Variants in BMPR1B observed in about 807,000 individuals in gnomAD.
The protein encoded by BMPR1B is bone morphogenetic protein receptor type 1B.
A neutral mutation model predicts 59.1 loss-of-function variants in BMPR1B; 12 were observed. That is an observed-to-expected ratio of 0.20 (90% confidence interval 0.13 to 0.33). The LOEUF is 0.33. Among genes scored for constraint, BMPR1B ranks in the 10% least tolerant of loss-of-function variants. The probability of loss-of-function intolerance (pLI) is 1.00; values close to 1 mark genes in which losing one functional copy is unlikely to be tolerated. For synonymous variants in BMPR1B, 237 were observed against 207.3 expected (o/e 1.14, Z -1.23); for missense variants, 550 against 610.9 (o/e 0.90, Z 1.05).
intron 2 of BMPR1B, among the ~76,000 whole-genome samples, chr4:94,975,546 T>A (rs1431477158): frequency 6.6e-6 from 1 of 151,194 alleles, no homozygotes; most frequent in African/African-American, 2.4e-5. Flanking sequence ...TTTTTTGGTA[T>A]TTTTTGTAGA....
chr4:94,821,541 G>T (rs1366442138), intron 1 of BMPR1B, among the ~76,000 whole-genome samples: 1 of 152,044 alleles, frequency 6.6e-6, no homozygotes, highest in Non-Finnish European at 1.5e-5. Flanking sequence ...TGTTGGAAAT[G>T]GTTCCTGCCT....
intron 8 of BMPR1B, 58 bp from the exon 9 acceptor site, chr4:95,129,803 AG>A: frequency 6.4e-7 from 1 of 1,558,820 alleles, no homozygotes; most frequent in Non-Finnish European, 8.8e-7. Flanking sequence ...GGAGAAAAAA[AG>A]ATTAAACAAA....
In BMPR1B at chr4:95,015,217, A is replaced by G. The variant is rs115344721; in HGVS notation, c.-18+19083A>G. 4.7e-3 allele frequency among the ~76,000 whole-genome samples: 721 copies of G among 152,290 alleles called. 8 individuals are homozygous for G. Among genetic ancestry groups the G allele is most frequent in the African/African-American group, 0.016 (668 of 41,562 alleles). On this transcript the variant is annotated intron_variant, in intron 3 of 12. Transcript: ENST00000515059. ...TCACTGACACACACGAAAGAAAGAA[A>G]AGAAAAATGATCATTTAACTGAAAA... is the stretch of plus-strand genomic sequence containing the variant.
intron 2 of BMPR1B, among the ~76,000 whole-genome samples, chr4:94,966,015 A>G (rs1216328891): frequency 6.6e-6 from 1 of 152,166 alleles, no homozygotes; most frequent in East Asian, 1.9e-4. Context: ...ACAGTTGTAA[A>G]AAAAAGATTT....
chr4:94,940,134 A>T (rs1269942913), intron 2 of BMPR1B, among the ~76,000 whole-genome samples: 1 of 152,192 alleles, frequency 6.6e-6, no homozygotes, highest in Non-Finnish European at 1.5e-5. Flanking sequence ...ATACAGTTAG[A>T]GTTTGGGTGT....
At position 94,799,303 on chromosome 4, in the gene BMPR1B, GT is replaced by G. The variant is rs781266058; in HGVS notation, c.-183+41249del. 3.6e-3 allele frequency among the ~76,000 whole-genome samples: 506 copies of G among 138,900 alleles called. 2 individuals carry two copies. The highest frequency in any genetic ancestry group is 4.9e-3 in the Non-Finnish European group (309 of 63,596). The allele number at this position is 138,900 out of a possible 152,430, so 91.1% of individuals were successfully genotyped here. A position where few individuals can be genotyped will look rare whatever the true frequency, so the allele number is the denominator to read the frequency against. ...TCCTTCTGTCTGTCTTTGGGTGACT[GT>G]TTTTTTTTTTTTTCCTGGAGACACA... On this transcript the variant is annotated intron_variant, in intron 1 of 12. Transcript: ENST00000515059.
chr4:94,885,335 G>A (rs1451984472), intron 2 of BMPR1B, among the ~76,000 whole-genome samples: 1 of 152,184 alleles, frequency 6.6e-6, no homozygotes, highest in East Asian at 1.9e-4. Flanking sequence ...GCAAGTTGAA[G>A]ATGTTGCTTC....
intron 1 of BMPR1B, among the ~76,000 whole-genome samples, chr4:94,844,341 C>T (rs1484579336): frequency 3.3e-5 from 5 of 151,732 alleles, no homozygotes; most frequent in African/African-American, 7.3e-5. Flanking sequence ...GAAACAGAAA[C>T]TAATCTTAAG....
chr4:94,951,446 C>T (rs1045469605), intron 2 of BMPR1B, among the ~76,000 whole-genome samples: 40 of 152,240 alleles, frequency 2.6e-4, no homozygotes, highest in African/African-American at 8.7e-4. Context: ...AGATGCATTC[C>T]ATCAGTATCT....
At chr4:95,123,124 G>A (rs1223841016) in intron 6 of BMPR1B, among the ~76,000 whole-genome samples, 1 of 152,096 alleles carries the variant, frequency 6.6e-6, no homozygotes, top group Non-Finnish European at 1.5e-5. Flanking sequence ...TGAGGAATCT[G>A]ATTTGTCAAG....
chr4:95,146,396 G>C (rs1734644429), intron 10 of BMPR1B, among the ~76,000 whole-genome samples: 2 of 152,044 alleles, frequency 1.3e-5, no homozygotes, highest in South Asian at 4.1e-4. Context: ...TCTATTATTA[G>C]GTCACAATTA....
At chr4:94,875,028 T>C (rs1480152570) in intron 1 of BMPR1B, among the ~76,000 whole-genome samples, 2 of 152,078 alleles carry the variant, frequency 1.3e-5, no homozygotes, top group Non-Finnish European at 2.9e-5. Flanking sequence ...GTGGCCAGCA[T>C]TTAAGTATCA....
intron 3 of BMPR1B, among the ~76,000 whole-genome samples, chr4:95,092,161 A>G (rs1579064315): frequency 1.3e-5 from 2 of 152,132 alleles, no homozygotes; most frequent in East Asian, 3.8e-4. Flanking sequence ...AATGATTTAG[A>G]TGTTAGATCA....
At chr4:95,103,365 ATTT>A (rs1215035039) in intron 3 of BMPR1B, 1 of 839,034 alleles carries the variant, frequency 1.2e-6, no homozygotes, top group South Asian at 5.4e-5. Context: ...TAACCCAGCA[ATTT>A]TTTAATATTT....
At chr4:95,093,529 T>C (rs1290361316) in intron 3 of BMPR1B, among the ~76,000 whole-genome samples, 1 of 152,098 alleles carries the variant, frequency 6.6e-6, no homozygotes, top group Non-Finnish European at 1.5e-5. Context: ...TCATATTTAC[T>C]CTTCTTATGA....
At chr4:95,093,600 TG>T (rs771641526) in intron 3 of BMPR1B, among the ~76,000 whole-genome samples, 7 of 152,136 alleles carry the variant, frequency 4.6e-5, no homozygotes, top group Admixed American at 1.3e-4. Context: ...ACTCTTCTTA[TG>T]TTTTTTTATG....
At chr4:95,122,627 T>C (rs1230468833) in intron 6 of BMPR1B, among the ~76,000 whole-genome samples, 1 of 152,208 alleles carries the variant, frequency 6.6e-6, no homozygotes, top group Non-Finnish European at 1.5e-5. Flanking sequence ...ATTGAAATGA[T>C]ACTGTTAGCA....
rs182097067 is a variant in BMPR1B, at chr4:94,967,880, T to C, written c.-112-28160T>C. On this transcript the variant is annotated intron_variant, in intron 2 of 12. Transcript: ENST00000515059. ...CAGTAAGAATACGCTATTCATGTCA[T>C]AGAACTATAATAGCTTAAAATAAAT... Among the ~76,000 whole-genome samples, 3 of 152,332 alleles carry C rather than the reference T, an allele frequency of 2.0e-5. No individual in the cohort carries two copies. In the East Asian group the frequency reaches 5.8e-4, roughly 29 times the overall value.
At chr4:94,862,304 C>A (rs1726017255) in intron 1 of BMPR1B, among the ~76,000 whole-genome samples, 1 of 151,710 alleles carries the variant, frequency 6.6e-6, no homozygotes, top group Non-Finnish European at 1.5e-5. Flanking sequence ...CATGCGCCAC[C>A]ATGCCCGGCT....
Sources: gnomAD v4.1 joint callset for allele counts (sites outside exome capture counted in the v4.1 genomes callset) on GRCh38, gnomAD v4.1.1 for gene constraint, MANE v1.5 for transcripts, NCBI Gene and HGNC (gene_info 2026-07-23, HGNC 2026-07-21) for gene names.